DTX1: variants seen among roughly 807,000 people sequenced by gnomAD.
DTX1 encodes the protein deltex E3 ubiquitin ligase 1, also known as E3 ubiquitin-protein ligase DTX1.
In DTX1, 26 loss-of-function variants were observed where a neutral mutation model predicts 57.8. That is an observed-to-expected ratio of 0.45 (90% CI 0.33 to 0.62). The LOEUF (loss-of-function observed/expected upper bound fraction) is 0.62, where lower values mean the gene tolerates loss of function less well. Among genes scored for constraint, DTX1 ranks in the 20% least tolerant of loss-of-function variants. The pLI is 0.02. For synonymous variants in DTX1, 398 were observed against 394.1 expected (o/e 1.01, Z -0.12); for missense variants, 704 against 895.3 (o/e 0.79, Z 2.73).
chr12:113,064,108 C>G (rs142764472), intron 2 of DTX1, among the ~76,000 whole-genome samples: 3 of 152,230 alleles, frequency 2.0e-5, no homozygotes, highest in African/African-American at 7.2e-5. Context: ...CCTGCACTAC[C>G]CTGGAGGCCT....
chr12:113,079,374 C>T lies in DTX1; in HGVS notation c.941+1269C>T, dbSNP rs529379274. 1.4e-3 allele frequency among the ~76,000 whole-genome samples: 214 copies of T among 152,256 alleles called. 1 individual carries two copies. The highest frequency in any genetic ancestry group is 4.9e-3 in the African/African-American group (205 of 41,550). ...CTGGATGCGACCTTTGGGGTCACTG[C>T]ATCCAGCTCACCCCTTTTATTATGG... On this transcript the variant is annotated intron_variant, in intron 3 of 9. Transcript: ENST00000548759.
In DTX1 at chr12:113,058,395, A is replaced by G. The variant is rs2044645286; in HGVS notation, c.203A>G (p.Gln68Arg). The change falls in exon 2 of 10, where the codon CAG (glutamine) becomes CGG (arginine). Residue 68 changes from glutamine to arginine, a missense_variant. Coordinates refer to ENST00000548759, the MANE Select transcript of DTX1 (RefSeq NM_004416.3). ...GSVVLGQVDAQLVPYIIDLQS... is the reference protein window; with the variant it reads ...GSVVLGQVDARLVPYIIDLQS... ...GTGGTCCTGGGGCAGGTGGACGCCC[A>G]GCTTGTGCCCTACATCATCGACCTG... 6.2e-7 allele frequency: 1 copy of G among 1,608,896 alleles called. No individual in the cohort carries two copies. The highest frequency in any genetic ancestry group is 1.7e-5 in the Admixed American group (1 of 60,006).
chr12:113,069,131 A>G (rs2044723476), intron 2 of DTX1, among the ~76,000 whole-genome samples: 3 of 152,180 alleles, frequency 2.0e-5, no homozygotes. Flanking sequence ...GCCCTCTGGG[A>G]GTGTTTATTA....
chr12:113,058,643 G>C (rs1592839496), intron 2 of DTX1, among the ~76,000 whole-genome samples, 192 bp downstream of exon 2: 1 of 152,338 alleles, frequency 6.6e-6, no homozygotes, highest in African/African-American at 2.4e-5. Flanking sequence ...CTCTGAGCAA[G>C]CTGTAGGGCC....
At chr12:113,083,713 C>A (rs2044834468) in intron 3 of DTX1, among the ~76,000 whole-genome samples, 1 of 152,188 alleles carries the variant, frequency 6.6e-6, no homozygotes, top group Non-Finnish European at 1.5e-5. Context: ...TCAGTCTTTC[C>A]ATATCTCTTT....
At chr12:113,062,032 T>TACACACACACACAC (rs35422556) in intron 2 of DTX1, among the ~76,000 whole-genome samples, 1 of 142,500 alleles carries the variant, frequency 7.0e-6, no homozygotes, top group Middle Eastern at 3.5e-3. Context: ...TTATATTTCA[T>TACACACACACACAC]ACACACACAC....
At chr12:113,085,080 C>T (rs574670467) in intron 3 of DTX1, among the ~76,000 whole-genome samples, 2 of 149,920 alleles carry the variant, frequency 1.3e-5, no homozygotes, top group East Asian at 2.0e-4. Context: ...GATGGAGTCT[C>T]ACTTTGTTGT....
chr12:113,094,963 C>A lies in DTX1; in HGVS notation c.1386+16C>A. 1 of 1,609,822 alleles carries A rather than the reference C, an allele frequency of 6.2e-7. No individual in the cohort carries two copies. The highest frequency in any genetic ancestry group is 8.5e-7 in the Non-Finnish European group (1 of 1,176,730). On this transcript the variant is annotated intron_variant, in intron 7 of 9. Transcript: ENST00000548759. ...TGGCAACAAGGTGGGTTGGGCGGGA[C>A]AATGGCTGAGGAGTGGGCAGGGAAC...
intron 3 of DTX1, among the ~76,000 whole-genome samples, chr12:113,087,890 G>C (rs1355364752): frequency 1.3e-5 from 2 of 152,172 alleles, no homozygotes; most frequent in Non-Finnish European, 2.9e-5. Flanking sequence ...AGGGTCAGTT[G>C]TCAGTGTTTC....
intron 2 of DTX1, among the ~76,000 whole-genome samples, chr12:113,067,537 T>C (rs114830827): frequency 0.023 from 3,458 of 152,242 alleles, 115 homozygotes; most frequent in African/African-American, 0.076. Flanking sequence ...GTGTGCAGTG[T>C]CTGGGAAGGC....
intron 2 of DTX1, among the ~76,000 whole-genome samples, chr12:113,070,453 A>G (rs2044731166): frequency 6.6e-6 from 1 of 152,164 alleles, no homozygotes; most frequent in Non-Finnish European, 1.5e-5. Flanking sequence ...CCACCCCCAA[A>G]GGGAGGGGTT....
At chr12:113,070,880 C>CT (rs1566015165) in intron 2 of DTX1, among the ~76,000 whole-genome samples, 1 of 152,226 alleles carries the variant, frequency 6.6e-6, no homozygotes, top group Non-Finnish European at 1.5e-5. Flanking sequence ...GTTTCCTCAT[C>CT]TGTAAAATGG....
chr12:113,076,118 C>T (rs139805637), intron 2 of DTX1, among the ~76,000 whole-genome samples: 3 of 151,986 alleles, frequency 2.0e-5, no homozygotes, highest in African/African-American at 7.2e-5. Context: ...TGCCTGAATA[C>T]GGGAGTGGGC....
intron 2 of DTX1, among the ~76,000 whole-genome samples, chr12:113,060,071 C>A (rs1386534356): frequency 6.6e-6 from 1 of 152,048 alleles, no homozygotes; most frequent in Non-Finnish European, 1.5e-5. Flanking sequence ...TGCTAGGTAC[C>A]CACAGAGTGC....
chr12:113,057,080 CG>C (rs1350798235), intron 1 of DTX1, 136 bp downstream of exon 1: 3 of 152,118 alleles, frequency 2.0e-5, no homozygotes, highest in African/African-American at 7.2e-5. Context: ...CTCCTGGCTT[CG>C]CCCCCTCCGC....
rs141628130 is a variant in DTX1 at position 113,095,098 on chromosome 12, G to A, written c.1443G>A (p.Thr481=). Residue 481 remains threonine, a synonymous_variant, in exon 8 of 10, where the codon ACG becomes ACA. Coordinates refer to ENST00000548759, the MANE Select transcript of DTX1 (RefSeq NM_004416.3). Reference sequence around the variant, plus strand: ...CCATCTACGGGGAGAAGACGGGTACGCAGCCGCCTGGGAAGATGGAGTTCC... The same window carrying A: ...CCATCTACGGGGAGAAGACGGGTACACAGCCGCCTGGGAAGATGGAGTTCC... ...CKAIYGEKTG[T]QPPGKMEFHL... 4.1e-5 allele frequency: 66 copies of A among 1,613,642 alleles called. No individual in the cohort carries two copies. The African/African-American group carries it at 6.3e-4, about 15-fold the overall frequency.
chr12:113,072,696 C>CTT (rs60642403), intron 2 of DTX1, among the ~76,000 whole-genome samples: 2,785 of 71,044 alleles, frequency 0.039, 109 homozygotes, highest in Non-Finnish European at 0.043. Context: ...GAGAGATTTT[C>CTT]TTTTTTTTTT....
chr12:113,065,941 T>C (rs2044700933), intron 2 of DTX1, among the ~76,000 whole-genome samples: 1 of 152,060 alleles, frequency 6.6e-6, no homozygotes, highest in Non-Finnish European at 1.5e-5. Flanking sequence ...CCTGGGGTGC[T>C]CCCAGGCCTC....
intron 2 of DTX1, among the ~76,000 whole-genome samples, chr12:113,066,791 G>A (rs2044706420): frequency 6.6e-6 from 1 of 152,092 alleles, no homozygotes. Context: ...TCTGTTCTGG[G>A]GGTGAGGGGT....
Sources: gnomAD v4.1 joint callset for allele counts (sites outside exome capture counted in the v4.1 genomes callset) on GRCh38, gnomAD v4.1.1 for gene constraint, MANE v1.5 for transcripts, NCBI Gene and HGNC (gene_info 2026-07-23, HGNC 2026-07-21) for gene names.